PPHLN1: variants seen among roughly 807,000 people sequenced by gnomAD.
PPHLN1 encodes periphilin 1.
A neutral mutation model predicts 51.3 loss-of-function variants in PPHLN1; 29 were observed. That is an observed-to-expected ratio of 0.57 (90% CI 0.42 to 0.77). The LOEUF (loss-of-function observed/expected upper bound fraction) is 0.77. Among genes scored for constraint, PPHLN1 ranks in the 30% least tolerant of loss-of-function variants. PPHLN1 has a pLI of 0.00. For missense variants in PPHLN1, 436 were observed against 438.4 expected (o/e 0.99, Z 0.05); for synonymous variants, 147 against 147.8 (o/e 0.99, Z 0.04).
At chr12:42,406,209 G>A (rs968623760) in intron 9 of PPHLN1, among the ~76,000 whole-genome samples, 5 of 148,826 alleles carry the variant, frequency 3.4e-5, no homozygotes, top group East Asian at 2.0e-4. Context: ...TCAGCCTCCC[G>A]AGTAGCTGGG....
intron 9 of PPHLN1, among the ~76,000 whole-genome samples, chr12:42,439,864 CTT>C (rs796115378): frequency 6.6e-6 from 1 of 152,004 alleles, no homozygotes; most frequent in South Asian, 2.1e-4. Flanking sequence ...GACTTTTTTC[CTT>C]TTTTTCTTCA....
chr12:42,343,788 A>C (rs747696314), intron 2 of PPHLN1: 45 of 362,426 alleles, frequency 1.2e-4, no homozygotes, highest in Non-Finnish European at 2.2e-4. Context: ...TCTTGGCTAC[A>C]TTCTCGAATA....
chr12:42,372,132 TAC>T (rs142157302), intron 4 of PPHLN1, among the ~76,000 whole-genome samples: 2 of 152,150 alleles, frequency 1.3e-5, no homozygotes, highest in African/African-American at 2.4e-5. Context: ...CATTATATAA[TAC>T]ACACACACAT....
At position 42,415,345 on chromosome 12, in the gene PPHLN1, T is replaced by A. The variant is rs1565982488; in HGVS notation, c.909+16351T>A. Among the ~76,000 whole-genome samples the A allele has an allele frequency of 3.9e-5, 6 of 152,310 alleles. No individual in the cohort carries two copies. In the South Asian group the frequency reaches 1.0e-3, roughly 26 times the overall value. ...TGCCACCACACCCAGCTAATTTGTA[T>A]GTTTTTAATAGAGGCAAGGTTTCAC... On this transcript the variant is annotated intron_variant, in intron 9 of 9. Coordinates refer to ENST00000358314, the MANE Select transcript of PPHLN1 (RefSeq NM_201439.2).
intron 6 of PPHLN1, chr12:42,387,123 T>G (rs927656148): frequency 6.1e-6 from 1 of 165,288 alleles, no homozygotes; most frequent in African/African-American, 2.4e-5. Flanking sequence ...TATCAAAAAT[T>G]AGCATTTAGG....
intron 1 of PPHLN1, among the ~76,000 whole-genome samples, chr12:42,333,783 A>G (rs930508695): frequency 1.3e-5 from 2 of 152,052 alleles, no homozygotes; most frequent in Admixed American, 6.6e-5. Flanking sequence ...CGCCCGGCCA[A>G]CCTCCTTTAC....
intron 9 of PPHLN1, among the ~76,000 whole-genome samples, chr12:42,423,280 G>C (rs1042075965): frequency 6.6e-6 from 1 of 152,006 alleles, no homozygotes; most frequent in Non-Finnish European, 1.5e-5. Flanking sequence ...AGTATTTATG[G>C]ATTTTCCCCA....
intron 9 of PPHLN1, among the ~76,000 whole-genome samples, chr12:42,424,897 AG>A (rs2081295336): frequency 1.3e-5 from 2 of 152,152 alleles, no homozygotes; most frequent in Admixed American, 1.3e-4. Flanking sequence ...GAAAACAAAA[AG>A]AAAAAAAGCA....
Position 42,362,582 on chromosome 12 carries a change from G to A in PPHLN1, c.299+7360G>A, listed in dbSNP as rs114088437. Among the ~76,000 whole-genome samples the A allele has an allele frequency of 5.5e-3, 830 of 152,284 alleles. 7 individuals are homozygous for A. Among genetic ancestry groups the A allele is most frequent in the African/African-American group, 0.019 (794 of 41,548 alleles). On this transcript the variant is annotated intron_variant, in intron 4 of 9. Transcript: ENST00000358314. The stretch of plus-strand genomic sequence containing the variant: ...TCAGGTGTTTCTCCAAGGAGCACGG[G>A]CCTTCTATAGTGGAGAGTGATTTTT...
chr12:42,375,285 C>G, intron 5 of PPHLN1: 1 of 289,156 alleles, frequency 3.5e-6, no homozygotes, highest in Non-Finnish European at 6.4e-6. Context: ...CTGCATGACA[C>G]TTACCTTTAA....
intron 5 of PPHLN1, among the ~76,000 whole-genome samples, chr12:42,378,660 A>G (rs1465851379): frequency 6.6e-6 from 1 of 152,016 alleles, no homozygotes; most frequent in African/African-American, 2.4e-5. Flanking sequence ...AATGATCATT[A>G]TTGGTTTGTC....
At chr12:42,396,944 G>T (rs996732851) in intron 8 of PPHLN1, among the ~76,000 whole-genome samples, 3 of 151,638 alleles carry the variant, frequency 2.0e-5, no homozygotes, top group African/African-American at 7.3e-5. Context: ...GGAGGCTGAG[G>T]TGAGAGGATC....
intron 7 of PPHLN1, among the ~76,000 whole-genome samples, chr12:42,393,275 TATA>T (rs2077895886): frequency 6.6e-6 from 1 of 152,154 alleles, no homozygotes; most frequent in Non-Finnish European, 1.5e-5. Flanking sequence ...ATATTCTAAA[TATA>T]ATTATTATAT....
At chr12:42,444,096 G>T (rs886138002), downstream of PPHLN1, 1 of 152,058 alleles carries the variant, frequency 6.6e-6, no homozygotes, top group Non-Finnish European at 1.5e-5. Context: ...GAGTTTATAT[G>T]CCTCTGTCAT....
At chr12:42,446,272 A>G, downstream of PPHLN1, 2 of 1,599,762 alleles carry the variant, frequency 1.3e-6, no homozygotes, top group Non-Finnish European at 1.7e-6. Flanking sequence ...TCTCTGTTGT[A>G]CATTGCAACT....
intron 9 of PPHLN1, among the ~76,000 whole-genome samples, chr12:42,427,619 GACTT>G (rs1335925028): frequency 2.0e-5 from 3 of 152,158 alleles, no homozygotes; most frequent in Non-Finnish European, 2.9e-5. Context: ...ATGGATTAAG[GACTT>G]ACTTACATCT....
intron 4 of PPHLN1, 166 bp downstream of exon 4, chr12:42,355,388 A>G (rs1338984552): frequency 1.8e-6 from 1 of 558,770 alleles, no homozygotes; most frequent in Admixed American, 3.1e-5. Flanking sequence ...GTATAATAGC[A>G]CTGATAACTA....
chr12:42,384,527 C>T (rs1294568235), intron 5 of PPHLN1, among the ~76,000 whole-genome samples: 3 of 152,174 alleles, frequency 2.0e-5, no homozygotes, highest in African/African-American at 7.2e-5. Context: ...ACTGTGTATG[C>T]AGGTGTACTC....
intron 1 of PPHLN1, among the ~76,000 whole-genome samples, chr12:42,330,120 C>T (rs992073394): frequency 2.0e-5 from 3 of 152,246 alleles, no homozygotes; most frequent in African/African-American, 7.2e-5. Flanking sequence ...ATTTATGCTT[C>T]TCTCCACCCA....
Sources: allele counts gnomAD v4.1 joint callset (sites outside exome capture counted in the v4.1 genomes callset), GRCh38; gene constraint gnomAD v4.1.1; transcripts MANE v1.5; gene names NCBI Gene and HGNC (gene_info 2026-07-23, HGNC 2026-07-21).